Variants in SMOC2 observed in about 807,000 individuals in gnomAD.
SMOC2 encodes the protein SPARC-related modular calcium-binding protein 2.
Under a neutral mutation model 61.4 loss-of-function variants are expected in SMOC2, and 39 were observed. That is an observed-to-expected ratio of 0.64 (90% CI 0.49 to 0.83). The LOEUF (loss-of-function observed/expected upper bound fraction) is 0.83. SMOC2 is among the 40% of genes least tolerant of loss of function. The probability of loss-of-function intolerance (pLI) is 0.00; values close to 1 mark genes in which losing one functional copy is unlikely to be tolerated. For missense variants in SMOC2, 556 were observed against 592.9 expected (o/e 0.94, Z 0.65); for synonymous variants, 247 against 239.9 (o/e 1.03, Z -0.27).
At chr6:168,582,896 C>T (rs1241947423) in intron 7 of SMOC2, among the ~76,000 whole-genome samples, 1 of 152,110 alleles carries the variant, frequency 6.6e-6, no homozygotes, top group Non-Finnish European at 1.5e-5. Flanking sequence ...CTTTCTTGAA[C>T]CCACTCTTTC....
At chr6:168,483,502 G>A (rs1782259582) in intron 1 of SMOC2, among the ~76,000 whole-genome samples, 1 of 152,104 alleles carries the variant, frequency 6.6e-6, no homozygotes, top group African/African-American at 2.4e-5. Flanking sequence ...CTAAGTATTA[G>A]TATTGTTAAG....
At position 168,527,857 on chromosome 6, in the gene SMOC2, T is replaced by A. The variant is rs1186240512; in HGVS notation, c.463+130T>A. On this transcript the variant is annotated intron_variant, in intron 4 of 12. Coordinates refer to ENST00000356284, the MANE Select transcript of SMOC2 (RefSeq NM_001166412.2). ...GTTTGGCCGGCATTGTGAGCCACAGTGGGAATAGATCTCGTCACTGACAAA... is the reference window on the plus strand; with the variant it reads ...GTTTGGCCGGCATTGTGAGCCACAGAGGGAATAGATCTCGTCACTGACAAA... The A allele has an allele frequency of 5.9e-6, 4 of 680,752 alleles. No individual in the cohort carries two copies. In the African/African-American group the frequency reaches 7.1e-5, roughly 12 times the overall value. The allele number at this position is 680,752 out of a possible 1,614,324, so 42.2% of individuals were successfully genotyped here.
chr6:168,566,479 CTTTTTTT>C (rs10553952), intron 7 of SMOC2, among the ~76,000 whole-genome samples: 2 of 118,242 alleles, frequency 1.7e-5, no homozygotes, highest in Admixed American at 9.8e-5. Context: ...TGTAGCACTT[CTTTTTTT>C]TTTTTTTTTT....
intron 9 of SMOC2, 129 bp downstream of exon 9, chr6:168,608,368 C>T: frequency 1.1e-5 from 11 of 1,033,902 alleles, no homozygotes; most frequent in Non-Finnish European, 1.6e-5. Context: ...AGGCCTCCTA[C>T]CTCCTTGCAG....
rs772359519 is a variant in SMOC2, at chr6:168,544,980, C to G, written c.511+1308C>G. Among the ~76,000 whole-genome samples, 2 of 151,828 alleles carry G rather than the reference C, an allele frequency of 1.3e-5. No homozygotes were observed. The highest frequency in any genetic ancestry group is 1.5e-5 in the Non-Finnish European group (1 of 68,004). ...CAAGGAAGATAGCTCATTTTCCAGC[C>G]GAAAAATGATGACAGGCATAATGGG... On this transcript the variant is annotated intron_variant, in intron 5 of 12. Transcript: ENST00000356284. This position sits in a 1 kb window ranked among gnomAD's most constrained non-coding sequence, Gnocchi z 4.1.
Position 168,577,054 on chromosome 6 carries a change from A to C in SMOC2, c.638-21764A>C, listed in dbSNP as rs935958133. On this transcript the variant is annotated intron_variant, in intron 7 of 12. Coordinates refer to ENST00000356284, the MANE Select transcript of SMOC2 (RefSeq NM_001166412.2). ...TTTTGAAATGGCCCCTTGCCTGTTG[A>C]AAACTATGCACGTTTCAAAAACATC... 4.0e-5 allele frequency among the ~76,000 whole-genome samples: 6 copies of C among 150,988 alleles called. 2 individuals are homozygous for C. Among genetic ancestry groups the C allele is most frequent in the African/African-American group, 1.5e-4 (6 of 40,306 alleles).
At chr6:168,625,646 A>C (rs980398312) in intron 9 of SMOC2, among the ~76,000 whole-genome samples, 1 of 152,208 alleles carries the variant, frequency 6.6e-6, no homozygotes, top group Non-Finnish European at 1.5e-5. Context: ...CAGAAAGCCT[A>C]ATTTTTCTTT....
intron 4 of SMOC2, among the ~76,000 whole-genome samples, chr6:168,531,082 C>G (rs1783589905): frequency 6.6e-6 from 1 of 152,164 alleles, no homozygotes; most frequent in South Asian, 2.1e-4. Flanking sequence ...CCTCCCACAG[C>G]TGAGAGTCAG....
intron 1 of SMOC2, among the ~76,000 whole-genome samples, chr6:168,499,612 C>A (rs1485482044): frequency 6.6e-6 from 1 of 152,200 alleles, no homozygotes; most frequent in Non-Finnish European, 1.5e-5. Context: ...TGTTACCTCC[C>A]AAAGTTTTAA....
chr6:168,586,667 G>A (rs758562379), intron 7 of SMOC2, among the ~76,000 whole-genome samples: 5 of 152,034 alleles, frequency 3.3e-5, no homozygotes, highest in Non-Finnish European at 5.9e-5. Flanking sequence ...AATGCTTTTA[G>A]TTTTCAATGT....
chr6:168,485,114 T>A (rs1377087196), intron 1 of SMOC2, among the ~76,000 whole-genome samples: 1 of 152,168 alleles, frequency 6.6e-6, no homozygotes, highest in Non-Finnish European at 1.5e-5. Flanking sequence ...GTTATATGTA[T>A]TTTACCATAA....
At position 168,483,886 on chromosome 6, in the gene SMOC2, A is replaced by G. The variant is rs762398373; in HGVS notation, c.85-26029A>G. 2.0e-5 allele frequency among the ~76,000 whole-genome samples: 3 copies of G among 152,172 alleles called. No individual in the cohort carries two copies. In the East Asian group the frequency reaches 5.8e-4, roughly 29 times the overall value. Reference sequence around the variant, plus strand: ...AATGGCATGAGAAAACCAGGTATCTATATGCAAAAGAATGATATTGGACCT... The same window carrying G: ...AATGGCATGAGAAAACCAGGTATCTGTATGCAAAAGAATGATATTGGACCT... On this transcript the variant is annotated intron_variant, in intron 1 of 12. Transcript: ENST00000356284.
At chr6:168,441,476 C>A in intron 1 of SMOC2, 22 bp downstream of exon 1, 1 of 1,484,800 alleles carries the variant, frequency 6.7e-7, no homozygotes. Context: ...CCCGCGGGAC[C>A]TGGAGCTCAA....
intron 9 of SMOC2, among the ~76,000 whole-genome samples, chr6:168,624,914 GACAC>G (rs1187867169): frequency 6.6e-6 from 1 of 150,952 alleles, no homozygotes; most frequent in African/African-American, 2.4e-5. Flanking sequence ...CATGTACACA[GACAC>G]ACACATCCCC....
intron 9 of SMOC2, among the ~76,000 whole-genome samples, chr6:168,625,788 G>A (rs1441309543): frequency 2.0e-5 from 3 of 152,202 alleles, no homozygotes; most frequent in African/African-American, 7.2e-5. Flanking sequence ...CTTTGCAAGG[G>A]CAGGGCAGCC....
At position 168,598,828 on chromosome 6, in the gene SMOC2, T is replaced by C. The variant is rs875989843; in HGVS notation, c.648T>C (p.Cys216=). Residue 216 remains cysteine (C), a synonymous_variant, in exon 8 of 13, where the codon TGT becomes TGC. Coordinates refer to ENST00000356284, the MANE Select transcript of SMOC2 (RefSeq NM_001166412.2). ...NKTNKNSVSS[C]DQEHQSALEE... ...TCTTCTTCCCCGCAGTGTCATCCTG[T>C]GACCAAGAGCACCAGTCTGCCCTGG... The C allele has an allele frequency of 3.7e-6, 6 of 1,613,592 alleles. No homozygotes were observed. The highest frequency in any genetic ancestry group is 5.1e-6 in the Non-Finnish European group (6 of 1,179,776).
rs536374985 is a variant in SMOC2 at position 168,558,816 on chromosome 6, T to C, written c.637+9613T>C. ...GTGTGCGTGTGCGCATGTGTGTGTG[T>C]GCGTATGTGCATGTGTGTGCACGTG... On this transcript the variant is annotated intron_variant, in intron 7 of 12. Transcript: ENST00000356284. 2.5e-4 allele frequency among the ~76,000 whole-genome samples: 38 copies of C among 151,870 alleles called. 1 individual carries two copies. The East Asian group carries it at 3.1e-3, about 12-fold the overall frequency.
chr6:168,530,944 G>T (rs1783587030), intron 4 of SMOC2, among the ~76,000 whole-genome samples: 1 of 152,172 alleles, frequency 6.6e-6, no homozygotes, highest in Non-Finnish European at 1.5e-5. Flanking sequence ...GAGCACTGCG[G>T]TTCGCTCGGT....
In SMOC2 at chr6:168,543,644, A is replaced by G. The variant is rs140210442; in HGVS notation, c.483A>G (p.Leu161=). ...PRCPGSVNEK[L]PQREGTGKTD... is the part of the protein sequence containing the mutation. ...TTTTAGGTTCCGTAAATGAAAAGTT[A>G]CCCCAACGCGAAGGCACAGGAAAAA... The change falls in exon 5 of 13, where the codon TTA becomes TTG. Residue 161 remains leucine (L), a synonymous_variant. Transcript: ENST00000356284. The G allele has an allele frequency of 1.9e-6, 3 of 1,613,904 alleles. No individual in the cohort carries two copies. The highest frequency in any genetic ancestry group is 2.5e-6 in the Non-Finnish European group (3 of 1,179,850).
Sources: allele counts gnomAD v4.1 joint callset (sites outside exome capture counted in the v4.1 genomes callset), GRCh38; gene constraint gnomAD v4.1.1; non-coding constraint Gnocchi (gnomAD v3.1); transcripts MANE v1.5; gene names NCBI Gene and HGNC (gene_info 2026-07-23, HGNC 2026-07-21).